NTS: variants seen among roughly 807,000 people sequenced by gnomAD.
NTS encodes the protein neurotensin, also known as neurotensin/neuromedin N.
NTS carries 20 observed loss-of-function variants against 19.5 expected under a neutral mutation model. The observed-to-expected ratio is 1.02, with a 90% CI of 0.72 to 1.49. The LOEUF (loss-of-function observed/expected upper bound fraction) is 1.49. Ranked by LOEUF, NTS falls within the 40% of genes most tolerant of loss-of-function variation. NTS has a pLI of 0.00. For missense variants in NTS, 215 were observed against 193.1 expected (o/e 1.11, Z -0.67); for synonymous variants, 71 against 63.3 (o/e 1.12, Z -0.58).
In NTS at chr12:85,879,711, A is replaced by AAAT. The variant is rs1166379116; in HGVS notation, c.360+1144_360+1146dup. 4.1e-5 allele frequency among the ~76,000 whole-genome samples: 5 copies of AAAT among 122,396 alleles called. 1 individual carries two copies. The highest frequency in any genetic ancestry group is 9.3e-5 in the Non-Finnish European group (5 of 53,838). The allele number at this position is 122,396 out of a possible 152,430, so 80.3% of individuals were successfully genotyped here. The stretch of plus-strand genomic sequence containing the variant: ...ATTTTTTGTATATTTTATGTATATA[A>AAAT]AATATATTTTTTGTATATTTTATGT... On this transcript the variant is annotated intron_variant, in intron 3 of 3. Transcript: ENST00000256010.
At position 85,878,470 on chromosome 12, in the gene NTS, GA is replaced by G; in HGVS notation, c.264del (p.Lys88AsnfsTer6). 1 of 1,613,888 alleles carries G rather than the reference GA, an allele frequency of 6.2e-7. No individual in the cohort carries two copies. The highest frequency in any genetic ancestry group is 8.5e-7 in the Non-Finnish European group (1 of 1,179,896). ...ATGAAGAGGAGCTTGTTGCAAGAAG[GA>G]AACTTCCTACTGCTTTAGATGGCTT... is the stretch of plus-strand genomic sequence containing the variant. ...VHEEELVARR[K>X]LPTALDGFSL... is the part of the protein sequence containing the mutation. On this transcript the variant is annotated frameshift_variant, in exon 3 of 4. Coordinates refer to ENST00000256010, the MANE Select transcript of NTS (RefSeq NM_006183.5). LOFTEE classifies it high-confidence loss of function.
chr12:85,877,859 T>C (rs924022541), intron 2 of NTS, among the ~76,000 whole-genome samples: 2 of 152,180 alleles, frequency 1.3e-5, no homozygotes, highest in African/African-American at 4.8e-5. Context: ...AGTTAATACA[T>C]GAAGGTTCTA....
chr12:85,878,399 CT>C lies in NTS; in HGVS notation c.192del (p.Val65Ter). On this transcript the variant is annotated frameshift_variant, in exon 3 of 4. Transcript: ENST00000256010. LOFTEE classifies it high-confidence loss of function. ...WKMTLLNVCS[L>X]VNNLNSPAEE... The stretch of plus-strand genomic sequence containing the variant: ...GATGACTCTGCTAAATGTTTGCAGT[CT>C]TGTAAATAATTTGAACAGCCCAGCT... 6.2e-7 allele frequency: 1 copy of C among 1,612,992 alleles called. No individual in the cohort carries two copies. The highest frequency in any genetic ancestry group is 8.5e-7 in the Non-Finnish European group (1 of 1,179,456).
chr12:85,882,454 G>A lies in NTS; in HGVS notation c.*79G>A. ...TATCAAATTATATTTGTGTGAAAAT[G>A]TGACAAACACACTTATCTGTCTCTT... is the stretch of plus-strand genomic sequence containing the variant. On this transcript the variant is annotated 3_prime_UTR_variant, in exon 4 of 4. Coordinates refer to ENST00000256010, the MANE Select transcript of NTS (RefSeq NM_006183.5). 8.8e-7 allele frequency: 1 copy of A among 1,138,438 alleles called. No individual in the cohort carries two copies. The highest frequency in any genetic ancestry group is 1.2e-6 in the Non-Finnish European group (1 of 806,892). The allele number at this position is 1,138,438 out of a possible 1,614,324, so 70.5% of individuals were successfully genotyped here. A position where few individuals can be genotyped will look rare whatever the true frequency, so the allele number is the denominator to read the frequency against.
chr12:85,879,190 ATGTATATTTTATGTACGTAAAATATAT>A, intron 3 of NTS, among the ~76,000 whole-genome samples: 4 of 132,330 alleles, frequency 3.0e-5, no homozygotes, highest in African/African-American at 1.1e-4. Context: ...ATATATTTTT[ATGTATATTTTATGTACGTAAAATATAT>A]TATATATATA....
rs1164824433 is a variant in NTS, at chr12:85,882,337, A to C, written c.475A>C (p.Arg159=). The C allele has an allele frequency of 6.2e-7, 1 of 1,603,148 alleles. No homozygotes were observed. The highest frequency in any genetic ancestry group is 8.5e-7 in the Non-Finnish European group (1 of 1,176,260). Residue 159 remains arginine (R), a synonymous_variant, in exon 4 of 4, where the codon AGA becomes CGA. Transcript: ENST00000256010. ...GCAGCTGTATGAGAATAAACCCAGA[A>C]GACCCTACATACTCAAAAGAGATTC... ...KRQLYENKPR[R]PYILKRDSYY...
rs755107602 is a variant in NTS at position 85,882,222 on chromosome 12, G to A, written c.361-1G>A. ...TCACTTATTTTATCTCTATCTTGCA[G>A]TTAATCCAGGAAGATATTCTTGATA... On this transcript the variant is annotated splice_acceptor_variant, in intron 3 of 3. Transcript: ENST00000256010. LOFTEE classifies it high-confidence loss of function. The A allele has an allele frequency of 6.3e-7, 1 of 1,586,884 alleles. No individual in the cohort carries two copies. The highest frequency in any genetic ancestry group is 1.9e-5 in the Admixed American group (1 of 54,022).
chr12:85,878,825 A>T (rs1386810688), intron 3 of NTS, among the ~76,000 whole-genome samples: 3 of 152,030 alleles, frequency 2.0e-5, no homozygotes, highest in Non-Finnish European at 4.4e-5. Flanking sequence ...ACATGTTTTT[A>T]TTATGCTTAA....
At position 85,876,663 on chromosome 12, in the gene NTS, T is replaced by A. The variant is rs761293701; in HGVS notation, c.97T>A (p.Leu33Ile). 41 of 1,594,582 alleles carry A rather than the reference T, an allele frequency of 2.6e-5. No individual in the cohort carries two copies. Among genetic ancestry groups the A allele is most frequent in the Non-Finnish European group, 3.4e-5 (40 of 1,168,440 alleles). Reference protein sequence around the residue: ...CSDSEEEMKALEADFLTNMHT... With the variant: ...CSDSEEEMKAIEADFLTNMHT... ...AGATTCAGAAGAGGAAATGAAAGCA[T>A]TAGAAGCAGATTTCTTGACCAATAT... Residue 33 changes from leucine (L) to isoleucine (I), a missense_variant, in exon 2 of 4, where the codon TTA becomes ATA. Physicochemically the swap from Leu to Ile is conservative, Grantham distance 5. Coordinates refer to ENST00000256010, the MANE Select transcript of NTS (RefSeq NM_006183.5).
rs538873677 is a variant in NTS, at chr12:85,880,719, G to A, written c.361-1504G>A. Among the ~76,000 whole-genome samples, 52 of 152,280 alleles carry A rather than the reference G, an allele frequency of 3.4e-4. No homozygotes were observed. The South Asian group carries it at 0.011, about 32-fold the overall frequency. ...TGTAATCCCAGCACTTTGGGAGGCC[G>A]AGACGGGCGGATCACGAGGTCAAGA... On this transcript the variant is annotated intron_variant, in intron 3 of 3. Coordinates refer to ENST00000256010, the MANE Select transcript of NTS (RefSeq NM_006183.5).
chr12:85,879,072 A>T (rs1271594864), intron 3 of NTS, among the ~76,000 whole-genome samples: 2 of 91,446 alleles, frequency 2.2e-5, no homozygotes, highest in South Asian at 7.5e-4. Flanking sequence ...TGTATATTTT[A>T]ATGTACATAA....
chr12:85,879,525 A>T (rs1472854676), intron 3 of NTS, among the ~76,000 whole-genome samples: 1 of 115,842 alleles, frequency 8.6e-6, no homozygotes, highest in Non-Finnish European at 1.7e-5. Context: ...TGTATATTTT[A>T]TGTATATAAA....
rs1881397172 is a variant in NTS at position 85,878,484 on chromosome 12, C to T, written c.275C>T (p.Ala92Val). ...ELVARRKLPT[A>V]LDGFSLEAML... ...GTTGCAAGAAGGAAACTTCCTACTG[C>T]TTTAGATGGCTTTAGCTTGGAAGCA... is the stretch of plus-strand genomic sequence containing the variant. Residue 92 changes from alanine (A) to valine (V), a missense_variant, in exon 3 of 4, where the codon GCT becomes GTT. By Grantham distance (64) the Ala-to-Val change is moderately conservative (BLOSUM62 0). Transcript: ENST00000256010. The T allele has an allele frequency of 6.2e-7, 1 of 1,613,862 alleles. No individual in the cohort carries two copies. Among genetic ancestry groups the T allele is most frequent in the Non-Finnish European group, 8.5e-7 (1 of 1,179,888 alleles).
At position 85,878,669 on chromosome 12, in the gene NTS, G is replaced by C. The variant is rs554267976; in HGVS notation, c.360+100G>C. 41 of 669,816 alleles carry C rather than the reference G, an allele frequency of 6.1e-5. 1 individual carries two copies. The South Asian group carries it at 1.4e-3, about 23-fold the overall frequency. The allele number at this position is 669,816 out of a possible 1,614,324, so 41.5% of individuals were successfully genotyped here. On this transcript the variant is annotated intron_variant, in intron 3 of 3. Coordinates refer to ENST00000256010, the MANE Select transcript of NTS (RefSeq NM_006183.5). ...CCCAATCATAATCATAACAAGAAGA[G>C]TTACAAGTATTGAAGAAGAACAAGC...
intron 1 of NTS, among the ~76,000 whole-genome samples, chr12:85,876,111 C>T (rs1379729545): frequency 3.3e-5 from 5 of 151,176 alleles, no homozygotes; most frequent in African/African-American, 1.2e-4. Context: ...AAGTACAATA[C>T]AATTCTTTCA....
At chr12:85,875,683 G>A (rs908517197) in intron 1 of NTS, among the ~76,000 whole-genome samples, 1 of 151,962 alleles carries the variant, frequency 6.6e-6, no homozygotes, top group African/African-American at 2.4e-5. Context: ...TTATTAACTT[G>A]AAACTACTTG....
At chr12:85,882,013 G>A (rs1275392216) in intron 3 of NTS, among the ~76,000 whole-genome samples, 2 of 151,704 alleles carry the variant, frequency 1.3e-5, no homozygotes, top group Non-Finnish European at 1.5e-5. Context: ...ATACTGAACT[G>A]AGTCAGAATT....
intron 3 of NTS, among the ~76,000 whole-genome samples, chr12:85,879,884 ATATATAAAAATATATTTTATG>A (rs1017145754): frequency 1.1e-4 from 16 of 146,496 alleles, no homozygotes; most frequent in South Asian, 6.3e-4. Context: ...TATAAATAAA[ATATATAAAAATATATTTTATG>A]TATATAAAAA....
intron 1 of NTS, 36 bp downstream of exon 1, chr12:85,874,512 A>G (rs950271262): frequency 2.7e-6 from 4 of 1,455,762 alleles, no homozygotes; most frequent in Non-Finnish European, 1.9e-6. Flanking sequence ...CCCTGAAGTG[A>G]TTTCTTTTTT....
Sources: allele counts gnomAD v4.1 joint callset (sites outside exome capture counted in the v4.1 genomes callset), GRCh38; gene constraint gnomAD v4.1.1; transcripts MANE v1.5; gene names NCBI Gene and HGNC (gene_info 2026-07-23, HGNC 2026-07-21).